Variants in LAMC1 observed in about 807,000 individuals in gnomAD.
The protein encoded by LAMC1 is laminin subunit gamma-1.
Under a neutral mutation model 173.6 loss-of-function variants are expected in LAMC1, and 38 were observed. That is an observed-to-expected ratio of 0.22 (90% CI 0.17 to 0.29). The LOEUF is 0.29. Ranked by LOEUF, LAMC1 falls within the 10% of genes least tolerant of loss-of-function variation. LAMC1 has a pLI of 1.00. For missense variants in LAMC1, 1,824 were observed against 2,051.8 expected (o/e 0.89, Z 2.14); for synonymous variants, 746 against 749.1 (o/e 1.00, Z 0.07).
chr1:183,089,133 C>T (rs1219872893), intron 1 of LAMC1, among the ~76,000 whole-genome samples: 3 of 152,192 alleles, frequency 2.0e-5, no homozygotes, highest in Admixed American at 2.0e-4. Flanking sequence ...TACCAAGTCT[C>T]TGGCATCAGA....
At chr1:183,104,676 T>C (rs189005186) in intron 2 of LAMC1, among the ~76,000 whole-genome samples, 1 of 152,332 alleles carries the variant, frequency 6.6e-6, no homozygotes, top group Admixed American at 6.5e-5. Context: ...CTCTTTCTAA[T>C]TGTATGGTTT....
At position 183,108,346 on chromosome 1, in the gene LAMC1, A is replaced by G; in HGVS notation, c.794A>G (p.Asn265Ser). ...AACACTTTTGGAGATGAAGTGTTTA[A>G]CGATCCCAAAGTTCTCAAGTCCTAT... ...RLNTFGDEVF[N>S]DPKVLKSYYY... Residue 265 changes from asparagine (N) to serine (S), a missense_variant, in exon 3 of 28, where the codon AAC (asparagine) becomes AGC (serine). Physicochemically the swap from Asn to Ser is conservative, Grantham distance 46. Transcript: ENST00000258341. 1 of 1,613,624 alleles carries G rather than the reference A, an allele frequency of 6.2e-7. No individual in the cohort carries two copies. The highest frequency in any genetic ancestry group is 8.5e-7 in the Non-Finnish European group (1 of 1,179,628).
At chr1:183,140,367 T>C (rs77860624) in intron 26 of LAMC1, 37 bp from the exon 27 acceptor site, 1 of 1,232,820 alleles carries the variant, frequency 8.1e-7, no homozygotes, top group Non-Finnish European at 1.2e-6. Context: ...GATGAAAACA[T>C]ACAGTCAAGA....
Position 183,117,655 on chromosome 1 carries a change from A to G in LAMC1, c.1809A>G (p.Arg603=). 2.5e-6 allele frequency: 4 copies of G among 1,614,194 alleles called. No individual in the cohort carries two copies. The highest frequency in any genetic ancestry group is 3.4e-6 in the Non-Finnish European group (4 of 1,180,032). Reference sequence around the variant, plus strand: ...TTGTGCTTGAGGGAGCTGGCTTAAGAGTATCTGTACCCTTGATCGCTCAGG... The same window carrying G: ...TTGTGCTTGAGGGAGCTGGCTTAAGGGTATCTGTACCCTTGATCGCTCAGG... The part of the protein sequence containing the change: ...EDLVLEGAGL[R]VSVPLIAQGN... Residue 603 remains arginine, a synonymous_variant, in exon 10 of 28, where the codon AGA becomes AGG. Coordinates refer to ENST00000258341, the MANE Select transcript of LAMC1 (RefSeq NM_002293.4).
rs1269454346 is a variant in LAMC1 at position 183,145,402 on chromosome 1, T to A, written c.*2612T>A. The A allele has an allele frequency of 6.6e-6, 1 of 152,600 alleles. No individual in the cohort carries two copies. Among genetic ancestry groups the A allele is most frequent in the African/African-American group, 2.4e-5 (1 of 41,452 alleles). 9.5% of individuals were successfully genotyped at this position (152,600 alleles called of 1,614,324 possible). The stretch of plus-strand genomic sequence containing the variant: ...GACACAGGGATTATTATACTGCTAT[T>A]TTTCCCTGAATTTTTTTCCTTTGAA... On this transcript the variant is annotated 3_prime_UTR_variant, in exon 28 of 28. Coordinates refer to ENST00000258341, the MANE Select transcript of LAMC1 (RefSeq NM_002293.4).
At chr1:183,108,516 C>A in intron 3 of LAMC1, 110 bp downstream of exon 3, 1 of 952,136 alleles carries the variant, frequency 1.1e-6, no homozygotes, top group Non-Finnish European at 1.5e-6. Flanking sequence ...GTTTTCTTTA[C>A]CAAGAATAGG....
intron 1 of LAMC1, among the ~76,000 whole-genome samples, chr1:183,028,640 C>T (rs962815085): frequency 3.3e-5 from 5 of 152,170 alleles, no homozygotes; most frequent in African/African-American, 9.7e-5. Flanking sequence ...ACGAGTCTCT[C>T]GAAAGAAAGT....
At chr1:183,048,674 A>G (rs1654331683) in intron 1 of LAMC1, among the ~76,000 whole-genome samples, 1 of 152,204 alleles carries the variant, frequency 6.6e-6, no homozygotes, top group South Asian at 2.1e-4. Flanking sequence ...TATATGTTGT[A>G]GATTATATAA....
intron 1 of LAMC1, among the ~76,000 whole-genome samples, chr1:183,035,728 C>T (rs899770302): frequency 6.6e-6 from 1 of 152,142 alleles, no homozygotes; most frequent in Non-Finnish European, 1.5e-5. Context: ...AGTCACATAA[C>T]ATGGCTGTTT....
intron 1 of LAMC1, among the ~76,000 whole-genome samples, chr1:183,069,435 T>G (rs1415701801): frequency 6.6e-6 from 1 of 152,174 alleles, no homozygotes; most frequent in Non-Finnish European, 1.5e-5. Context: ...CACTGGGAGA[T>G]CCAGGAAAGG....
intron 11 of LAMC1, among the ~76,000 whole-genome samples, chr1:183,121,485 A>C (rs776128839): frequency 6.6e-6 from 1 of 151,870 alleles, no homozygotes; most frequent in African/African-American, 2.4e-5. Flanking sequence ...AAAGTTTGCT[A>C]TACCACCACT....
intron 1 of LAMC1, among the ~76,000 whole-genome samples, chr1:183,067,070 A>C (rs1341593412): frequency 6.6e-6 from 1 of 152,236 alleles, no homozygotes. Flanking sequence ...GTTATGCATT[A>C]CAGTTAATTA....
intron 1 of LAMC1, among the ~76,000 whole-genome samples, chr1:183,087,276 C>T (rs543333332): frequency 2.0e-5 from 3 of 152,300 alleles, no homozygotes; most frequent in South Asian, 2.1e-4. Flanking sequence ...GGTTCACTCT[C>T]GTTCTTCTAT....
At chr1:183,137,332 G>A (rs1176131849) in intron 25 of LAMC1, among the ~76,000 whole-genome samples, 4 of 152,152 alleles carry the variant, frequency 2.6e-5, no homozygotes, top group Admixed American at 1.3e-4. Flanking sequence ...TCAATATGAT[G>A]TCGTAGAAAG....
At chr1:183,068,672 T>C (rs577801141) in intron 1 of LAMC1, among the ~76,000 whole-genome samples, 1 of 152,254 alleles carries the variant, frequency 6.6e-6, no homozygotes, top group South Asian at 2.1e-4. Flanking sequence ...CTGGGCACGG[T>C]AGCTCATGCC....
rs1394402930 is a variant in LAMC1, at chr1:183,115,591, G to C, written c.1282G>C (p.Asp428His). 3 of 1,613,980 alleles carry C rather than the reference G, an allele frequency of 1.9e-6. No individual in the cohort carries two copies. The highest frequency in any genetic ancestry group is 2.5e-6 in the Non-Finnish European group (3 of 1,179,974). The change falls in exon 6 of 28, where the codon GAC becomes CAC. Residue 428 changes from aspartate (D) to histidine (H), a missense_variant. Asp to His is a moderately conservative substitution (Grantham distance 81). Transcript: ENST00000258341. ...CKPGVMGDKC[D>H]RCQPGFHSLT... is the part of the protein sequence containing the mutation. ...GCCAGGAGTGATGGGGGACAAATGT[G>C]ACCGTTGCCAGCCTGGATTCCATTC...
chr1:183,041,629 A>C (rs1357234225), intron 1 of LAMC1, among the ~76,000 whole-genome samples: 1 of 152,210 alleles, frequency 6.6e-6, no homozygotes. Flanking sequence ...ATTCATTTAC[A>C]AAGATTTATT....
At chr1:183,031,342 TC>T (rs1653843775) in intron 1 of LAMC1, among the ~76,000 whole-genome samples, 1 of 152,176 alleles carries the variant, frequency 6.6e-6, no homozygotes, top group Non-Finnish European at 1.5e-5. Flanking sequence ...TTCGCTCTTG[TC>T]GCCCAGGCTG....
intron 4 of LAMC1, among the ~76,000 whole-genome samples, chr1:183,112,499 A>G (rs1167688528): frequency 6.6e-6 from 1 of 152,234 alleles, no homozygotes; most frequent in African/African-American, 2.4e-5. Flanking sequence ...TGGTCCCTTC[A>G]GCACTGTGAC....
Sources: gnomAD v4.1 joint callset for allele counts (sites outside exome capture counted in the v4.1 genomes callset) on GRCh38, gnomAD v4.1.1 for gene constraint, MANE v1.5 for transcripts, NCBI Gene and HGNC (gene_info 2026-07-23, HGNC 2026-07-21) for gene names.